AHNAK: variants seen among roughly 807,000 people sequenced by gnomAD.
The protein encoded by AHNAK is AHNAK nucleoprotein.
AHNAK carries 23 observed loss-of-function variants against 37.8 expected under a neutral mutation model. The ratio of observed to expected loss-of-function variants is 0.61; its 90% CI spans 0.44 to 0.86. AHNAK has a LOEUF of 0.86. Among genes scored for constraint, AHNAK ranks in the 40% least tolerant of loss-of-function variants. The pLI, the probability that AHNAK is intolerant of heterozygous loss-of-function variation, is 0.00. For missense variants in AHNAK, 7,411 were observed against 7,319.4 expected (o/e 1.01, Z -0.46); for synonymous variants, 2,481 against 2,636.3 (o/e 0.94, Z 1.80).
At chr11:62,435,905 G>A (rs1183284550) in intron 5 of AHNAK, among the ~76,000 whole-genome samples, 11 of 152,158 alleles carry the variant, frequency 7.2e-5, no homozygotes, top group Non-Finnish European at 1.6e-4. Context: ...GCTGAGCTGA[G>A]CACTTCTTAC....
At chr11:62,494,696 G>A (rs538638235) in intron 4 of AHNAK, among the ~76,000 whole-genome samples, 1 of 151,892 alleles carries the variant, frequency 6.6e-6, no homozygotes, top group Admixed American at 6.6e-5. Flanking sequence ...GCGAAACCTT[G>A]TCTCCACAAA....
chr11:62,456,965 G>A (rs1938671453), intron 5 of AHNAK, among the ~76,000 whole-genome samples: 1 of 152,136 alleles, frequency 6.6e-6, no homozygotes, highest in Non-Finnish European at 1.5e-5. Context: ...TCTCAGTAAT[G>A]AAGTGCCCTA....
chr11:62,439,252 G>A (rs917689877), intron 5 of AHNAK, among the ~76,000 whole-genome samples: 5 of 151,500 alleles, frequency 3.3e-5, no homozygotes, highest in South Asian at 2.1e-4. Flanking sequence ...CCGCCACCAC[G>A]CCTAGCTAAT....
At chr11:62,460,292 T>C (rs544677894) in intron 5 of AHNAK, among the ~76,000 whole-genome samples, 2 of 151,718 alleles carry the variant, frequency 1.3e-5, no homozygotes, top group Non-Finnish European at 2.9e-5. Flanking sequence ...GTCTCAAAAA[T>C]AAACAAACAA....
downstream of AHNAK, among the ~76,000 whole-genome samples, chr11:62,512,304 C>A (rs371528736): frequency 6.6e-6 from 1 of 152,218 alleles, no homozygotes; most frequent in South Asian, 2.1e-4. This position sits in a 1 kb window ranked among gnomAD's most constrained non-coding sequence, Gnocchi z 4.0. Context: ...CTGCTTCACA[C>A]GGCAGGCAGT....
At chr11:62,446,072 G>A (rs1417178254) in intron 5 of AHNAK, among the ~76,000 whole-genome samples, 2 of 152,162 alleles carry the variant, frequency 1.3e-5, no homozygotes, top group Non-Finnish European at 2.9e-5. Context: ...CAGAGCAGGG[G>A]CAGGCTCCCC....
intron 5 of AHNAK, among the ~76,000 whole-genome samples, chr11:62,452,743 C>A (rs1344600600): frequency 6.6e-6 from 1 of 152,040 alleles, no homozygotes; most frequent in Non-Finnish European, 1.5e-5. Context: ...TGTTTCAGGC[C>A]GGGCGCGGTG....
chr11:62,532,682 C>A lies in AHNAK; in HGVS notation c.1735G>T (p.Ala579Ser). 6.2e-7 allele frequency: 1 copy of A among 1,613,936 alleles called. No individual in the cohort carries two copies. Among genetic ancestry groups the A allele is most frequent in the Non-Finnish European group, 8.5e-7 (1 of 1,179,974 alleles). Residue 579 changes from alanine (A) to serine (S), a missense_variant, in exon 5 of 5, where the codon GCC (alanine) becomes TCC (serine). Coordinates refer to ENST00000378024, the MANE Select transcript of AHNAK (RefSeq NM_001620.3). ...ACACCCCCTTTCACTTTAGGTGCGG[C>A]CACATTTAAGTCTACTTCTGACATA... ...ISMSEVDLNV[A>S]APKVKGGVDV...
intron 5 of AHNAK, among the ~76,000 whole-genome samples, chr11:62,452,477 G>A (rs564680609): frequency 6.6e-6 from 1 of 152,306 alleles, no homozygotes; most frequent in Admixed American, 6.5e-5. Flanking sequence ...GGTTTCTTAC[G>A]AGCTGCTATT....
intron 5 of AHNAK, among the ~76,000 whole-genome samples, chr11:62,487,315 C>T (rs1198648546): frequency 6.6e-6 from 1 of 152,198 alleles, no homozygotes; most frequent in Non-Finnish European, 1.5e-5. Context: ...GGAACATGCC[C>T]CAACGTAGAG....
downstream of AHNAK, among the ~76,000 whole-genome samples, chr11:62,512,858 AGAAG>A (rs1197845108): frequency 1.3e-4 from 18 of 134,076 alleles, no homozygotes; most frequent in East Asian, 2.6e-4. The surrounding 1 kb of genome is among the most constrained non-coding windows in gnomAD (Gnocchi z 4.0). Flanking sequence ...CCTGTTAGGA[AGAAG>A]GAAGGAAGGG....
At position 62,451,736 on chromosome 11, in the gene AHNAK, C is replaced by CG. The variant is rs1555019261; in HGVS notation, c.443-17846_443-17845insC. ...TGGGTGACAGAGCGAGACTCCGTCT[C>CG]AAAAAAAAAAAAAAAAAAATTAATC... On this transcript the variant is annotated intron_variant, in intron 5 of 5. Coordinates refer to the AHNAK transcript ENST00000257247. 6.2e-5 allele frequency among the ~76,000 whole-genome samples: 7 copies of CG among 113,468 alleles called. No individual in the cohort carries two copies. The East Asian group carries it at 1.1e-3, about 17-fold the overall frequency. The allele number at this position is 113,468 out of a possible 152,430, so 74.4% of individuals were successfully genotyped here.
rs1940851851 is a variant in AHNAK at position 62,533,754 on chromosome 11, A to G, written c.663T>C (p.Ala221=). 1.2e-6 allele frequency: 2 copies of G among 1,613,994 alleles called. No individual in the cohort carries two copies. The highest frequency in any genetic ancestry group is 1.3e-5 in the African/African-American group (1 of 74,902). Residue 221 remains alanine, a synonymous_variant, in exon 5 of 5, where the codon GCT becomes GCC. Transcript: ENST00000378024. The part of the protein sequence containing the change: ...GSGAASPTGS[A]VDIRAGAISA... ...AAATGGCCCCTGCTCGGATATCCAC[A>G]GCAGAGCCTGTCGGAGAGGCTGCCC...
chr11:62,486,984 C>T (rs543570788), intron 5 of AHNAK, among the ~76,000 whole-genome samples: 1 of 152,046 alleles, frequency 6.6e-6, no homozygotes, highest in African/African-American at 2.4e-5. Flanking sequence ...CAAATAGACG[C>T]CTATTCCAGA....
chr11:62,526,905 T>C lies in AHNAK; in HGVS notation c.7512A>G (p.Pro2504=), dbSNP rs189737544. The C allele has an allele frequency of 3.7e-6, 6 of 1,614,118 alleles. No homozygotes were observed. The East Asian group carries it at 1.1e-4, about 30-fold the overall frequency. The change falls in exon 5 of 5, where the codon CCA becomes CCG. Residue 2504 remains proline, a synonymous_variant. Transcript: ENST00000378024. ...VDVNAPDVQA[P]DWHLKMPKMK... ...TCTTGGGCATCTTCAGGTGCCAGTCTGGAGCTTGGACATCGGGGGCATTTA... is the reference window on the plus strand; with the variant it reads ...TCTTGGGCATCTTCAGGTGCCAGTCCGGAGCTTGGACATCGGGGGCATTTA...
intron 4 of AHNAK, among the ~76,000 whole-genome samples, chr11:62,506,606 C>T (rs940948020): frequency 6.6e-6 from 1 of 152,182 alleles, no homozygotes; most frequent in South Asian, 2.1e-4. Context: ...TTGTGCCTGG[C>T]CTGCATTTTC....
intron 5 of AHNAK, among the ~76,000 whole-genome samples, chr11:62,473,387 CTAAAAAAA>C (rs1310351975): frequency 2.9e-5 from 1 of 34,114 alleles, no homozygotes; most frequent in African/African-American, 1.4e-4. Context: ...GAGACTCCAT[CTAAAAAAA>C]AAAAAAAAAA....
At chr11:62,467,659 T>C (rs1182324803) in intron 5 of AHNAK, among the ~76,000 whole-genome samples, 1 of 152,228 alleles carries the variant, frequency 6.6e-6, no homozygotes, top group Admixed American at 6.5e-5. Flanking sequence ...CCCTCCAGCC[T>C]GGGCAACAGA....
rs1447803295 is a variant in AHNAK at position 62,532,589 on chromosome 11, C to G, written c.1828G>C (p.Val610Leu). The change falls in exon 5 of 5, where the codon GTG becomes CTG. Residue 610 changes from valine (V) to leucine (L), a missense_variant. Transcript: ENST00000378024. The part of the protein sequence containing the change: ...VPEVDVRGPK[V>L]DVSAPDVEAH... ...TCGACATCTGGGGCACTGACATCCA[C>G]TTTGGGGCCTCTGACATCAACTTCA... The G allele has an allele frequency of 6.2e-7, 1 of 1,614,214 alleles. No individual in the cohort carries two copies. The highest frequency in any genetic ancestry group is 1.3e-5 in the African/African-American group (1 of 75,034).
Sources: allele counts gnomAD v4.1 joint callset (sites outside exome capture counted in the v4.1 genomes callset), GRCh38; gene constraint gnomAD v4.1.1; non-coding constraint Gnocchi (gnomAD v3.1); transcripts MANE v1.5; gene names NCBI Gene and HGNC (gene_info 2026-07-23, HGNC 2026-07-21).